MGAT4A: variants seen among roughly 807,000 people sequenced by gnomAD.
MGAT4A encodes alpha-1,3-mannosyl-glycoprotein 4-beta-N-acetylglucosaminyltransferase A, also known as N-acetylglucosaminyltransferase IVa.
Under a neutral mutation model 74.1 loss-of-function variants are expected in MGAT4A, and 33 were observed. The observed-to-expected ratio is 0.45, with a 90% confidence interval of 0.34 to 0.60. The LOEUF is 0.60. Ranked by LOEUF, MGAT4A falls within the 20% of genes least tolerant of loss-of-function variation. The pLI, the probability that MGAT4A is intolerant of heterozygous loss-of-function variation, is 0.02. For missense variants in MGAT4A, 479 were observed against 628.3 expected (o/e 0.76, Z 2.54); for synonymous variants, 198 against 210.4 (o/e 0.94, Z 0.51).
At chr2:98,666,242 G>C (rs1026011055) in intron 4 of MGAT4A, among the ~76,000 whole-genome samples, 2 of 152,092 alleles carry the variant, frequency 1.3e-5, no homozygotes, top group Non-Finnish European at 2.9e-5. Context: ...GAGGAATCAA[G>C]GGTGACTTGA....
chr2:98,637,504 T>C (rs1213311521), intron 12 of MGAT4A, among the ~76,000 whole-genome samples: 1 of 152,172 alleles, frequency 6.6e-6, no homozygotes, highest in Admixed American at 6.5e-5. Flanking sequence ...AGATCTAAAA[T>C]ACTTTCTGGG....
intron 2 of MGAT4A, chr2:98,725,908 C>T (rs551144295): frequency 3.1e-5 from 12 of 382,032 alleles, no homozygotes; most frequent in Non-Finnish European, 5.6e-5. Flanking sequence ...GCTTATTAAA[C>T]ACTTAATTAT....
At chr2:98,654,387 T>C (rs1701628798) in intron 8 of MGAT4A, among the ~76,000 whole-genome samples, 2 of 152,110 alleles carry the variant, frequency 1.3e-5, no homozygotes, top group African/African-American at 4.8e-5. Context: ...TATTTGCAGA[T>C]GAAATAATCT....
intron 4 of MGAT4A, among the ~76,000 whole-genome samples, chr2:98,670,345 C>A (rs1701896250): frequency 6.6e-6 from 1 of 152,064 alleles, no homozygotes; most frequent in Non-Finnish European, 1.5e-5. Flanking sequence ...ATATGTAGTA[C>A]CTCTATTATG....
chr2:98,686,948 CATTA>C (rs1318774135), intron 2 of MGAT4A, among the ~76,000 whole-genome samples: 1 of 152,134 alleles, frequency 6.6e-6, no homozygotes, highest in Non-Finnish European at 1.5e-5. Context: ...TGATAACATT[CATTA>C]GAGTACACTT....
intron 4 of MGAT4A, among the ~76,000 whole-genome samples, chr2:98,664,108 G>T (rs976172690): frequency 2.0e-5 from 3 of 149,936 alleles, no homozygotes; most frequent in Non-Finnish European, 4.4e-5. Flanking sequence ...TTGGGAGGTG[G>T]AGGCACAAGA....
intron 8 of MGAT4A, among the ~76,000 whole-genome samples, chr2:98,652,192 C>T (rs1274894381): frequency 6.6e-6 from 1 of 152,128 alleles, no homozygotes; most frequent in Non-Finnish European, 1.5e-5. Flanking sequence ...CGGACTTAAA[C>T]AACACTATAA....
rs1216736312 is a variant in MGAT4A at position 98,620,149 on chromosome 2, T to C, written c.*5417A>G. ...TTATATATAGGTGTTGATACAGATA[T>C]GTATAACAAAATCCTCAGTTTGGTT... On this transcript the variant is annotated 3_prime_UTR_variant, in exon 16 of 16. Coordinates refer to ENST00000393487, the MANE Select transcript of MGAT4A (RefSeq NM_012214.3). 1 of 152,216 alleles carries C rather than the reference T, an allele frequency of 6.6e-6. No individual in the cohort carries two copies. Among genetic ancestry groups the C allele is most frequent in the African/African-American group, 2.4e-5 (1 of 41,452 alleles). 9.4% of individuals were successfully genotyped at this position (152,216 alleles called of 1,614,324 possible). A position where few individuals can be genotyped will look rare whatever the true frequency, so the allele number is the denominator to read the frequency against.
At chr2:98,632,949 AGG>A (rs1319241247) in intron 14 of MGAT4A, among the ~76,000 whole-genome samples, 2 of 152,182 alleles carry the variant, frequency 1.3e-5, no homozygotes, top group African/African-American at 4.8e-5. Context: ...TACTAGAGAT[AGG>A]GTTTCACCAT....
intron 8 of MGAT4A, among the ~76,000 whole-genome samples, chr2:98,648,018 C>A (rs1701519885): frequency 6.6e-6 from 1 of 152,172 alleles, no homozygotes; most frequent in African/African-American, 2.4e-5. Context: ...TAAAATCTAA[C>A]CTGTATGAAC....
chr2:98,728,479 G>A (rs1702796008), intron 1 of MGAT4A, among the ~76,000 whole-genome samples: 1 of 152,208 alleles, frequency 6.6e-6, no homozygotes, highest in East Asian at 1.9e-4. Flanking sequence ...CAGGTGTGGT[G>A]GCTCATGCCT....
chr2:98,667,863 G>A (rs998752579), intron 4 of MGAT4A, among the ~76,000 whole-genome samples: 3 of 152,052 alleles, frequency 2.0e-5, no homozygotes, highest in East Asian at 1.9e-4. Flanking sequence ...GGGATTACAG[G>A]TGCCCACCAC....
At chr2:98,644,294 T>G (rs1273215775) in intron 9 of MGAT4A, among the ~76,000 whole-genome samples, 1 of 152,194 alleles carries the variant, frequency 6.6e-6, no homozygotes, top group African/African-American at 2.4e-5. Context: ...TATAATAATC[T>G]ATCGTATACC....
intron 2 of MGAT4A, among the ~76,000 whole-genome samples, chr2:98,708,172 TGCCCAG>T (rs1702466036): frequency 6.6e-6 from 1 of 152,088 alleles, no homozygotes; most frequent in African/African-American, 2.4e-5. Flanking sequence ...CTCACTATGT[TGCCCAG>T]GCTGGTCTCG....
At chr2:98,651,694 C>A (rs1182748563) in intron 8 of MGAT4A, among the ~76,000 whole-genome samples, 1 of 151,894 alleles carries the variant, frequency 6.6e-6, no homozygotes, top group Non-Finnish European at 1.5e-5. Flanking sequence ...AAGTAAATGG[C>A]AATAGTAAGT....
intron 14 of MGAT4A, among the ~76,000 whole-genome samples, chr2:98,632,304 T>C (rs1245117604): frequency 6.6e-6 from 1 of 151,862 alleles, no homozygotes; most frequent in Non-Finnish European, 1.5e-5. Context: ...TTCTGCATGC[T>C]CCCCTAGGGG....
At chr2:98,652,316 A>C (rs1376704389) in intron 8 of MGAT4A, among the ~76,000 whole-genome samples, 1 of 148,958 alleles carries the variant, frequency 6.7e-6, no homozygotes, top group South Asian at 2.1e-4. Context: ...AGGCCCCATA[A>C]TATCTCAACA....
intron 10 of MGAT4A, among the ~76,000 whole-genome samples, chr2:98,641,625 G>A (rs1298223701): frequency 1.3e-5 from 2 of 151,386 alleles, no homozygotes; most frequent in Admixed American, 6.6e-5. Context: ...GCAGTGAGCC[G>A]AGATCGCGCC....
intron 4 of MGAT4A, among the ~76,000 whole-genome samples, chr2:98,669,426 C>G (rs1447615355): frequency 6.6e-6 from 1 of 152,168 alleles, no homozygotes; most frequent in African/African-American, 2.4e-5. Context: ...TGTGAGGCCG[C>G]CCCAGCCACG....
Sources: allele counts gnomAD v4.1 joint callset (sites outside exome capture counted in the v4.1 genomes callset), GRCh38; gene constraint gnomAD v4.1.1; transcripts MANE v1.5; gene names NCBI Gene and HGNC (gene_info 2026-07-23, HGNC 2026-07-21).